The following DTD1 variants were observed in gnomAD, a reference collection of about 807,000 sequenced individuals.
The protein encoded by DTD1 is D-tyrosyl-tRNA deacylase 1 homolog.
Under a neutral mutation model 25.6 loss-of-function variants are expected in DTD1, and 13 were observed. That is an observed-to-expected ratio of 0.51 (90% CI 0.33 to 0.81). The LOEUF (loss-of-function observed/expected upper bound fraction) is 0.81, where lower values mean the gene tolerates loss of function less well. Among genes scored for constraint, DTD1 ranks in the 30% least tolerant of loss-of-function variants. The probability of loss-of-function intolerance (pLI) is 0.02; values close to 1 mark genes in which losing one functional copy is unlikely to be tolerated. For missense variants in DTD1, 193 were observed against 266.4 expected (o/e 0.72, Z 1.92); for synonymous variants, 110 against 103.6 (o/e 1.06, Z -0.37).
intron 4 of DTD1, chr20:18,630,559 T>C (rs2060782480): frequency 6.6e-6 from 1 of 150,678 alleles, no homozygotes; most frequent in African/African-American, 2.4e-5. Flanking sequence ...AGACGGGGTT[T>C]TACCATGTTA....
intron 3 of DTD1, among the ~76,000 whole-genome samples, chr20:18,596,706 CAA>C (rs2060613480): frequency 6.7e-6 from 1 of 149,868 alleles, no homozygotes; most frequent in East Asian, 1.9e-4. Context: ...TCGTTATAAA[CAA>C]TGATGAGGTA....
At chr20:18,606,784 G>GTCA (rs2060660711) in intron 3 of DTD1, among the ~76,000 whole-genome samples, 3 of 131,368 alleles carry the variant, frequency 2.3e-5, no homozygotes, top group East Asian at 2.4e-4. Context: ...GTGGTGGGGG[G>GTCA]GGGGAGGGGG....
chr20:18,597,555 C>A (rs2122247138), intron 3 of DTD1, among the ~76,000 whole-genome samples: 1 of 152,278 alleles, frequency 6.6e-6, no homozygotes, highest in Non-Finnish European at 1.5e-5. Flanking sequence ...CAGTCCTAGG[C>A]AGCCATTAAT....
At chr20:18,657,820 T>G (rs886077110) in intron 4 of DTD1, among the ~76,000 whole-genome samples, 6 of 152,212 alleles carry the variant, frequency 3.9e-5, no homozygotes, top group Admixed American at 1.3e-4. Context: ...GGCCTCCCCA[T>G]AGGCCTGCTT....
chr20:18,632,731 T>C, intron 4 of DTD1: 2 of 882,766 alleles, frequency 2.3e-6, no homozygotes, highest in Non-Finnish European at 2.7e-6. Context: ...TCTTTTAAAA[T>C]ATAAATAAGT....
chr20:18,602,830 G>T lies in DTD1; in HGVS notation c.370+6589G>T, dbSNP rs1192559191. On this transcript the variant is annotated intron_variant, in intron 3 of 5. Transcript: ENST00000377452. ...AGCCGCTGCAAAATCATGCCAAAATGTAAAGACCATCGAGACTAGGAAGAA... is the reference window on the plus strand; with the variant it reads ...AGCCGCTGCAAAATCATGCCAAAATTTAAAGACCATCGAGACTAGGAAGAA... Among the ~76,000 whole-genome samples, 77 of 97,358 alleles carry T rather than the reference G, an allele frequency of 7.9e-4. 3 individuals carry two copies. The highest frequency in any genetic ancestry group is 7.6e-4 in the Non-Finnish European group (33 of 43,602). The allele number at this position is 97,358 out of a possible 152,430, so 63.9% of individuals were successfully genotyped here.
intron 4 of DTD1, among the ~76,000 whole-genome samples, chr20:18,708,265 T>TTA (rs1236295433): frequency 1.3e-3 from 18 of 13,812 alleles, no homozygotes; most frequent in African/African-American, 4.9e-3. Flanking sequence ...TATATATATT[T>TTA]TATATATATA....
intron 4 of DTD1, among the ~76,000 whole-genome samples, chr20:18,665,916 C>T (rs972141563): frequency 6.6e-6 from 1 of 152,130 alleles, no homozygotes; most frequent in African/African-American, 2.4e-5. Flanking sequence ...TATACCTCAT[C>T]CAGCTGCCCC....
rs35523658 is a variant in DTD1 at position 18,659,931 on chromosome 20, GA to G, written c.477+31706del. 5.9e-5 allele frequency among the ~76,000 whole-genome samples: 9 copies of G among 151,682 alleles called. No individual in the cohort carries two copies. The South Asian group carries it at 6.2e-4, about 11-fold the overall frequency. On this transcript the variant is annotated intron_variant, in intron 4 of 5. Transcript: ENST00000377452. ...TAACTTTAAAAAAGAAAGAAAGAAAGAAAAAAAATATTTTTTTACCAGCTGG... is the reference window on the plus strand; with the variant it reads ...TAACTTTAAAAAAGAAAGAAAGAAAGAAAAAAATATTTTTTTACCAGCTGG...
chr20:18,764,015 G>T lies in DTD1; in HGVS notation c.*675G>T, dbSNP rs371701608. ...ACACTTCTTTTCACATAAGTCTCTC[G>T]CAAGAGGGCCTTCTCTAACTGGCCC... On this transcript the variant is annotated 3_prime_UTR_variant, in exon 6 of 6. Transcript: ENST00000377452. 6.6e-6 allele frequency: 1 copy of T among 152,134 alleles called. No homozygotes were observed. Among genetic ancestry groups the T allele is most frequent in the Non-Finnish European group, 1.5e-5 (1 of 68,022 alleles). The allele number at this position is 152,134 out of a possible 1,614,324, so 9.4% of individuals were successfully genotyped here. A position where few individuals can be genotyped will look rare whatever the true frequency, so the allele number is the denominator to read the frequency against.
At chr20:18,607,851 T>C (rs1055062083) in intron 3 of DTD1, among the ~76,000 whole-genome samples, 3 of 152,010 alleles carry the variant, frequency 2.0e-5, no homozygotes, top group African/African-American at 7.2e-5. Flanking sequence ...GTAGCTGGGA[T>C]TACAGGTGCA....
chr20:18,759,490 A>T (rs950877045), intron 5 of DTD1, among the ~76,000 whole-genome samples: 1 of 152,164 alleles, frequency 6.6e-6, no homozygotes, highest in Admixed American at 6.5e-5. Flanking sequence ...TCCTTCACTT[A>T]GGAAGCTTAG....
In DTD1 at chr20:18,679,340, GT is replaced by G. The variant is rs1232346622; in HGVS notation, c.477+51109del. 9.2e-5 allele frequency among the ~76,000 whole-genome samples: 14 copies of G among 152,248 alleles called. No individual in the cohort carries two copies. In the East Asian group the frequency reaches 2.7e-3, roughly 29 times the overall value. ...TTCCCTCATAAAGCGCATGAACCTT[GT>G]TCTCTCCCACCTTATTATAGTCTGA... On this transcript the variant is annotated intron_variant, in intron 4 of 5. Coordinates refer to ENST00000377452, the MANE Select transcript of DTD1 (RefSeq NM_080820.6).
At chr20:18,707,448 G>C (rs980069763) in intron 4 of DTD1, among the ~76,000 whole-genome samples, 9 of 152,156 alleles carry the variant, frequency 5.9e-5, no homozygotes, top group African/African-American at 2.2e-4. Context: ...ATATGCACCT[G>C]GTCTTACCCA....
chr20:18,588,985 A>G, intron 1 of DTD1: 1 of 652,194 alleles, frequency 1.5e-6, no homozygotes, highest in Non-Finnish European at 1.9e-6. Context: ...CAGTTCAAAT[A>G]ATTTCAGATA....
intron 3 of DTD1, among the ~76,000 whole-genome samples, chr20:18,608,597 CT>C (rs1483519798): frequency 6.6e-6 from 1 of 152,180 alleles, no homozygotes; most frequent in Non-Finnish European, 1.5e-5. Context: ...ATAAGTTTCT[CT>C]TTTCCCCACT....
intron 4 of DTD1, among the ~76,000 whole-genome samples, chr20:18,694,192 G>T (rs1568671405): frequency 6.6e-6 from 1 of 152,276 alleles, no homozygotes; most frequent in East Asian, 1.9e-4. Context: ...ACACCATCTG[G>T]GTGAGGAACA....
intron 3 of DTD1, 105 bp downstream of exon 3, chr20:18,596,346 T>G: frequency 1.1e-6 from 1 of 925,488 alleles, no homozygotes; most frequent in Non-Finnish European, 1.6e-6. Flanking sequence ...AAGTCATTGT[T>G]TATGCTTGTT....
At chr20:18,675,842 A>T (rs1210377) in intron 4 of DTD1, among the ~76,000 whole-genome samples, 1 of 15,028 alleles carries the variant, frequency 6.7e-5, no homozygotes, top group Non-Finnish European at 1.6e-4. Context: ...ACCTATGTGT[A>T]TATTTACACA....
Sources: gnomAD v4.1 joint callset for allele counts (sites outside exome capture counted in the v4.1 genomes callset) on GRCh38, gnomAD v4.1.1 for gene constraint, MANE v1.5 for transcripts, NCBI Gene and HGNC (gene_info 2026-07-23, HGNC 2026-07-21) for gene names.